ZNF536: variants seen among roughly 807,000 people sequenced by gnomAD.
The protein encoded by ZNF536 is zinc finger protein 536.
Under a neutral mutation model 84.5 loss-of-function variants are expected in ZNF536, and 13 were observed. The observed-to-expected ratio is 0.15, with a 90% CI of 0.10 to 0.24. ZNF536 has a LOEUF of 0.24. Ranked by LOEUF, ZNF536 falls within the 10% of genes least tolerant of loss-of-function variation. The pLI is 1.00. For missense variants in ZNF536, 1,536 were observed against 1,747.5 expected, an observed-to-expected ratio of 0.88 and a Z score of 2.16; for synonymous variants, 811 against 742.5, an observed-to-expected ratio of 1.09 and a Z score of -1.50.
At chr19:30,592,393 A>G (rs1325536190) in intron 1 of ZNF536, among the ~76,000 whole-genome samples, 1 of 151,966 alleles carries the variant, frequency 6.6e-6, no homozygotes, top group Non-Finnish European at 1.5e-5. Context: ...TGTTAGACCC[A>G]TTTTTAGGAT....
At chr19:30,306,285 C>T (rs1369811302) in intron 2 of ZNF536, among the ~76,000 whole-genome samples, 2 of 150,366 alleles carry the variant, frequency 1.3e-5, no homozygotes, top group African/African-American at 4.9e-5. Flanking sequence ...TGGATCAATA[C>T]CTTGGAATTC....
At chr19:30,366,391 T>TCTAC (rs1489536684) in intron 3 of ZNF536, among the ~76,000 whole-genome samples, 1 of 151,190 alleles carries the variant, frequency 6.6e-6, no homozygotes, top group African/African-American at 2.4e-5. Flanking sequence ...TATCTATCTA[T>TCTAC]CTATCTATAT....
intron 1 of ZNF536, among the ~76,000 whole-genome samples, chr19:30,230,936 A>C (rs2022989055): frequency 6.6e-6 from 1 of 152,142 alleles, no homozygotes; most frequent in Non-Finnish European, 1.5e-5. Context: ...AGGGGGAAGA[A>C]AGACAGCAAT....
intron 2 of ZNF536, among the ~76,000 whole-genome samples, chr19:30,321,131 C>T (rs1296658389): frequency 1.3e-5 from 2 of 152,210 alleles, no homozygotes; most frequent in Non-Finnish European, 2.9e-5. Flanking sequence ...GCTGCAACCC[C>T]GACCTCCCAG....
chr19:30,568,048 G>A (rs1269151067), intron 1 of ZNF536, among the ~76,000 whole-genome samples: 1 of 152,174 alleles, frequency 6.6e-6, no homozygotes, highest in Non-Finnish European at 1.5e-5. Context: ...AACATATGGT[G>A]CCTGTACCAG....
At chr19:30,653,016 G>A (rs1038109557) in intron 1 of ZNF536, among the ~76,000 whole-genome samples, 7 of 152,204 alleles carry the variant, frequency 4.6e-5, no homozygotes, top group Admixed American at 1.3e-4. Context: ...CCGAATGGCG[G>A]CTATTTCTAG....
chr19:30,278,802 C>T (rs889458007), intron 1 of ZNF536, among the ~76,000 whole-genome samples: 1 of 152,172 alleles, frequency 6.6e-6, no homozygotes, highest in Admixed American at 6.5e-5. Flanking sequence ...GCAGCAGCCT[C>T]CCCCATGGGT....
At chr19:30,687,842 TA>T (rs201494109) in intron 1 of ZNF536, among the ~76,000 whole-genome samples, 27 of 152,082 alleles carry the variant, frequency 1.8e-4, no homozygotes, top group Admixed American at 3.9e-4. Context: ...TGGATTTTTT[TA>T]AAAAAAACTT....
intron 1 of ZNF536, among the ~76,000 whole-genome samples, chr19:30,443,211 G>A (rs1417375267): frequency 6.6e-6 from 1 of 152,088 alleles, no homozygotes; most frequent in Non-Finnish European, 1.5e-5. Flanking sequence ...ACAGGTACAG[G>A]TGCGACAATG....
chr19:30,374,797 C>A (rs2048745140), intron 1 of ZNF536, among the ~76,000 whole-genome samples: 1 of 151,866 alleles, frequency 6.6e-6, no homozygotes. Flanking sequence ...GCGAGGCCAC[C>A]CCCAGCCGGC....
intron 2 of ZNF536, among the ~76,000 whole-genome samples, chr19:30,483,550 C>A (rs2054175127): frequency 6.8e-6 from 1 of 147,170 alleles, no homozygotes; most frequent in South Asian, 2.3e-4. Flanking sequence ...CCTTCTCACA[C>A]CCCTTGGAGA....
chr19:30,487,781 A>G (rs2054357927), intron 2 of ZNF536, among the ~76,000 whole-genome samples: 1 of 152,202 alleles, frequency 6.6e-6, no homozygotes, highest in Non-Finnish European at 1.5e-5. Context: ...AATTTCCCCC[A>G]TTCCCTGAAA....
At chr19:30,289,047 C>T (rs1445574744) in intron 2 of ZNF536, among the ~76,000 whole-genome samples, 1 of 152,164 alleles carries the variant, frequency 6.6e-6, no homozygotes, top group Non-Finnish European at 1.5e-5. Flanking sequence ...CCAACTTCTC[C>T]ATCCCATTCC....
chr19:30,407,338 C>A (rs1052374150), intron 1 of ZNF536, among the ~76,000 whole-genome samples: 3 of 152,196 alleles, frequency 2.0e-5, no homozygotes, highest in Admixed American at 6.5e-5. Flanking sequence ...CCATGATTTT[C>A]CTCTTCTCTC....
At chr19:30,343,591 A>G (rs2063268538) in intron 2 of ZNF536, among the ~76,000 whole-genome samples, 1 of 152,180 alleles carries the variant, frequency 6.6e-6, no homozygotes, top group African/African-American at 2.4e-5. Flanking sequence ...GGAGAACCCT[A>G]TGACATCCAC....
chr19:30,501,791 C>T (rs902872495), intron 2 of ZNF536, among the ~76,000 whole-genome samples: 1 of 152,184 alleles, frequency 6.6e-6, no homozygotes, highest in Non-Finnish European at 1.5e-5. Flanking sequence ...GGTCCTTAAC[C>T]CATTCATGCC....
At chr19:30,269,355 G>A (rs2025695076) in intron 1 of ZNF536, among the ~76,000 whole-genome samples, 1 of 152,198 alleles carries the variant, frequency 6.6e-6, no homozygotes, top group African/African-American at 2.4e-5. Context: ...GTGCTCAACT[G>A]GAAGTTGCAC....
At chr19:30,397,669 G>A (rs554560478) in intron 1 of ZNF536, among the ~76,000 whole-genome samples, 3 of 152,212 alleles carry the variant, frequency 2.0e-5, no homozygotes, top group Non-Finnish European at 2.9e-5. Flanking sequence ...AATCTGCCTC[G>A]TTTATTTAAA....
chr19:30,446,974 A>G (rs1441155114), intron 2 of ZNF536, among the ~76,000 whole-genome samples: 1 of 152,248 alleles, frequency 6.6e-6, no homozygotes, highest in Admixed American at 6.5e-5. Context: ...TTTATAAAGA[A>G]AGCACCTCGC....
Sources: allele counts gnomAD v4.1 joint callset (sites outside exome capture counted in the v4.1 genomes callset), GRCh38; gene constraint gnomAD v4.1.1; transcripts MANE v1.5; gene names NCBI Gene and HGNC (gene_info 2026-07-23, HGNC 2026-07-21).